Variants in HTR5A observed in about 807,000 individuals in gnomAD.
HTR5A encodes 5-HT-5.
Under a neutral mutation model 24.3 loss-of-function variants are expected in HTR5A, and 21 were observed. The ratio of observed to expected loss-of-function variants is 0.86; its 90% CI spans 0.61 to 1.24. The LOEUF (loss-of-function observed/expected upper bound fraction) is 1.24, where lower values mean the gene tolerates loss of function less well. Among genes scored for constraint, HTR5A ranks in the 50% most tolerant of loss-of-function variants. The pLI is 0.00. For missense variants in HTR5A, 497 were observed against 489.5 expected (o/e 1.02, Z -0.15); for synonymous variants, 260 against 213.7 (o/e 1.22, Z -1.89).
At chr7:155,083,028 A>G (rs1344055819) in intron 1 of HTR5A, among the ~76,000 whole-genome samples, 1 of 152,206 alleles carries the variant, frequency 6.6e-6, no homozygotes, top group Non-Finnish European at 1.5e-5. Context: ...TTGGTAATTT[A>G]TTCATCAACT....
chr7:155,070,971 C>A lies in HTR5A; in HGVS notation c.72C>A (p.Leu24=), dbSNP rs989465533. ...TPSPLETNHS[L]GKDDLRPSSP... ...CCCCTTTGGAGACCAACCACAGCCT[C>A]GGCAAAGACGACCTGCGCCCCAGCT... The change falls in exon 1 of 2, where the codon CTC becomes CTA. Residue 24 remains leucine (L), a synonymous_variant. Coordinates refer to ENST00000287907, the MANE Select transcript of HTR5A (RefSeq NM_024012.4). 11 of 1,611,094 alleles carry A rather than the reference C, an allele frequency of 6.8e-6. No homozygotes were observed. The highest frequency in any genetic ancestry group is 9.3e-6 in the Non-Finnish European group (11 of 1,180,014).
intron 1 of HTR5A, among the ~76,000 whole-genome samples, chr7:155,082,335 T>C (rs1795427069): frequency 6.6e-6 from 1 of 151,388 alleles, no homozygotes; most frequent in African/African-American, 2.4e-5. Flanking sequence ...CATGGTGTCA[T>C]CAGGGTGACC....
intron 1 of HTR5A, among the ~76,000 whole-genome samples, chr7:155,076,659 G>A (rs1795362404): frequency 1.3e-5 from 2 of 152,142 alleles, no homozygotes; most frequent in East Asian, 3.9e-4. Context: ...CCTTGTCTAA[G>A]GGTTTCCTAG....
intron 1 of HTR5A, among the ~76,000 whole-genome samples, chr7:155,074,046 T>C (rs746713007): frequency 6.6e-6 from 1 of 151,816 alleles, no homozygotes; most frequent in Non-Finnish European, 1.5e-5. Context: ...TCTGTCCTTA[T>C]GTTATGTTGA....
Position 155,070,754 on chromosome 7 carries a change from G to A in HTR5A, c.-146G>A, listed in dbSNP as rs1404055012. 5 of 856,198 alleles carry A rather than the reference G, an allele frequency of 5.8e-6. No individual in the cohort carries two copies. Among genetic ancestry groups the A allele is most frequent in the Non-Finnish European group, 9.1e-6 (5 of 546,806 alleles). 53.0% of individuals were successfully genotyped at this position (856,198 alleles called of 1,614,324 possible). A position where few individuals can be genotyped will look rare whatever the true frequency, so the allele number is the denominator to read the frequency against. On this transcript the variant is annotated 5_prime_UTR_variant, in exon 1 of 2. Coordinates refer to ENST00000287907, the MANE Select transcript of HTR5A (RefSeq NM_024012.4). ...AACGGATGCTCACTAGCAGGAAATT[G>A]GGGCCAAATTCACAGGCACTTTCCA...
chr7:155,083,810 CTT>C (rs1165217377), intron 1 of HTR5A, among the ~76,000 whole-genome samples: 1 of 152,166 alleles, frequency 6.6e-6, no homozygotes, highest in Non-Finnish European at 1.5e-5. Flanking sequence ...ACTTAGGACA[CTT>C]TTGATGAAGT....
At chr7:155,076,017 T>A (rs993776707) in intron 1 of HTR5A, among the ~76,000 whole-genome samples, 14 of 152,328 alleles carry the variant, frequency 9.2e-5, no homozygotes, top group African/African-American at 2.6e-4. Context: ...TATGGAGCAA[T>A]TAACTTTTCT....
intron 1 of HTR5A, among the ~76,000 whole-genome samples, chr7:155,072,921 G>T (rs1360551137): frequency 6.6e-6 from 1 of 152,128 alleles, no homozygotes; most frequent in Non-Finnish European, 1.5e-5. Context: ...AGAAGAAAAC[G>T]AGGGGTCAGA....
At position 155,087,346 on chromosome 7, in the gene HTR5A, G is replaced by C. The variant is rs1038537094; in HGVS notation, c.*2859G>C. ...AAAGAGGCTGTAGAGACAACACTTT[G>C]CCATATTTCTATTAAAGAGAAAATA... is the stretch of plus-strand genomic sequence containing the variant. On this transcript the variant is annotated 3_prime_UTR_variant, in exon 2 of 2. Coordinates refer to ENST00000287907, the MANE Select transcript of HTR5A (RefSeq NM_024012.4). Among the ~76,000 whole-genome samples, 1 of 152,188 alleles carries C rather than the reference G, an allele frequency of 6.6e-6. No individual in the cohort carries two copies. Among genetic ancestry groups the C allele is most frequent in the African/African-American group, 2.4e-5 (1 of 41,462 alleles).
At chr7:155,075,276 G>C (rs979405662) in intron 1 of HTR5A, among the ~76,000 whole-genome samples, 1 of 30,834 alleles carries the variant, frequency 3.2e-5, no homozygotes, top group Non-Finnish European at 2.0e-3. Flanking sequence ...CACTGTTTTT[G>C]GTCCTCTTAA....
At chr7:155,075,132 A>G (rs542796516) in intron 1 of HTR5A, among the ~76,000 whole-genome samples, 41 of 152,358 alleles carry the variant, frequency 2.7e-4, no homozygotes, top group Non-Finnish European at 5.1e-4. Context: ...GACTAAGTCT[A>G]AAACTTGTTC....
chr7:155,074,106 G>A (rs907543647), intron 1 of HTR5A, among the ~76,000 whole-genome samples: 1 of 151,792 alleles, frequency 6.6e-6, no homozygotes, highest in Non-Finnish European at 1.5e-5. Flanking sequence ...TAATGGGAGT[G>A]GGTGTCAAAG....
At chr7:155,073,289 C>A (rs1169731066) in intron 1 of HTR5A, among the ~76,000 whole-genome samples, 1 of 123,262 alleles carries the variant, frequency 8.1e-6, no homozygotes, top group Non-Finnish European at 1.6e-5. Flanking sequence ...CCACTGCACT[C>A]CAGCCTGGGC....
At chr7:155,073,780 G>A (rs1795324760) in intron 1 of HTR5A, among the ~76,000 whole-genome samples, 1 of 150,604 alleles carries the variant, frequency 6.6e-6, no homozygotes, top group Admixed American at 6.6e-5. Context: ...TCTCTGCTTT[G>A]GTGATAGCAG....
chr7:155,081,946 A>C (rs7796441), intron 1 of HTR5A, among the ~76,000 whole-genome samples: 4,457 of 152,328 alleles, frequency 0.029, 198 homozygotes, highest in African/African-American at 0.1. Flanking sequence ...TAATAGAAAA[A>C]TATGCTTTTC....
chr7:155,085,192 A>C lies in HTR5A; in HGVS notation c.*705A>C, dbSNP rs1324710852. 6.6e-6 allele frequency: 1 copy of C among 152,298 alleles called. No individual in the cohort carries two copies. Among genetic ancestry groups the C allele is most frequent in the Non-Finnish European group, 1.5e-5 (1 of 68,060 alleles). The allele number at this position is 152,298 out of a possible 1,614,324, so 9.4% of individuals were successfully genotyped here. On this transcript the variant is annotated 3_prime_UTR_variant, in exon 2 of 2. Coordinates refer to ENST00000287907, the MANE Select transcript of HTR5A (RefSeq NM_024012.4). Reference sequence around the variant, plus strand: ...AAAATGCAATCCGTTGACATGAAACAGGCACTGAGGGTAACTACTTCCTTT... The same window carrying C: ...AAAATGCAATCCGTTGACATGAAACCGGCACTGAGGGTAACTACTTCCTTT...
chr7:155,084,250 G>A lies in HTR5A; in HGVS notation c.837G>A (p.Lys279=). 1 of 1,614,182 alleles carries A rather than the reference G, an allele frequency of 6.2e-7. No individual in the cohort carries two copies. The highest frequency in any genetic ancestry group is 8.5e-7 in the Non-Finnish European group (1 of 1,180,034). ...AAGGGGACACGTGGCGGGAGCAGAA[G>A]GAGCAGCGGGCCGCCCTCATGGTGG... ...QPEGDTWREQ[K]EQRAALMVGI... is the part of the protein sequence containing the mutation. The change falls in exon 2 of 2, where the codon AAG becomes AAA. Residue 279 remains lysine, a synonymous_variant. Transcript: ENST00000287907.
intron 1 of HTR5A, among the ~76,000 whole-genome samples, chr7:155,071,927 C>T (rs1280900987): frequency 1.3e-5 from 2 of 152,092 alleles, no homozygotes; most frequent in Admixed American, 6.5e-5. Context: ...CCCTTTGGCC[C>T]CCAAATTCTA....
At chr7:155,073,120 A>C (rs1795315668) in intron 1 of HTR5A, among the ~76,000 whole-genome samples, 1 of 152,020 alleles carries the variant, frequency 6.6e-6, no homozygotes, top group Non-Finnish European at 1.5e-5. Flanking sequence ...GGAGATCGAG[A>C]CCATTCTGGC....
Sources: allele counts gnomAD v4.1 joint callset (sites outside exome capture counted in the v4.1 genomes callset), GRCh38; gene constraint gnomAD v4.1.1; transcripts MANE v1.5; gene names NCBI Gene and HGNC (gene_info 2026-07-23, HGNC 2026-07-21).